The following ITGA8 variants were observed in gnomAD, a reference collection of about 807,000 sequenced individuals.
ITGA8 encodes integrin alpha-8.
ITGA8 carries 91 observed loss-of-function variants against 142.3 expected under a neutral mutation model. That is an observed-to-expected ratio of 0.64 (90% CI 0.54 to 0.76). The LOEUF (loss-of-function observed/expected upper bound fraction) is 0.76, where lower values mean the gene tolerates loss of function less well. Among genes scored for constraint, ITGA8 ranks in the 30% least tolerant of loss-of-function variants. The pLI is 0.00. For missense variants in ITGA8, 1,406 were observed against 1,327.7 expected (o/e 1.06, Z -0.92); for synonymous variants, 505 against 485.2 (o/e 1.04, Z -0.54).
chr10:15,586,884 C>T (rs960446693), intron 22 of ITGA8, among the ~76,000 whole-genome samples: 5 of 151,910 alleles, frequency 3.3e-5, no homozygotes, highest in East Asian at 1.9e-4. Flanking sequence ...TATGAAGAGA[C>T]ACTTTATCTG....
At chr10:15,613,279 A>T (rs1255493530) in intron 15 of ITGA8, among the ~76,000 whole-genome samples, 1 of 152,210 alleles carries the variant, frequency 6.6e-6, no homozygotes, top group Non-Finnish European at 1.5e-5. Context: ...GTATTTTGTT[A>T]TATTTTTACC....
At chr10:15,640,735 G>A (rs1003108826) in intron 13 of ITGA8, among the ~76,000 whole-genome samples, 1 of 152,200 alleles carries the variant, frequency 6.6e-6, no homozygotes, top group African/African-American at 2.4e-5. Context: ...ACAGAAACCT[G>A]AATACCCAGC....
intron 11 of ITGA8, among the ~76,000 whole-genome samples, chr10:15,649,366 C>G (rs1834044394): frequency 6.6e-6 from 1 of 151,896 alleles, no homozygotes; most frequent in Admixed American, 6.6e-5. Flanking sequence ...CACAGTGGCT[C>G]ATGCCTGTGA....
In ITGA8 at chr10:15,575,507, C is replaced by G; in HGVS notation, c.2460G>C (p.Leu820Phe). Residue 820 changes from leucine (L) to phenylalanine (F), a missense_variant, in exon 24 of 30, where the codon TTG (leucine) becomes TTC (phenylalanine). Physicochemically the swap from Leu to Phe is conservative, Grantham distance 22. Coordinates refer to ENST00000378076, the MANE Select transcript of ITGA8 (RefSeq NM_003638.3). ...TGGCTACCTCATAAATATGTTCCACCAATGGTCCAACCTCCTCCTCTTTGT... is the reference window on the plus strand; with the variant it reads ...TGGCTACCTCATAAATATGTTCCACGAATGGTCCAACCTCCTCCTCTTTGT... ...EPHKEEEVGPLVEHIYELHNI... is the reference protein window; with the variant it reads ...EPHKEEEVGPFVEHIYELHNI... The G allele has an allele frequency of 6.2e-7, 1 of 1,613,526 alleles. No homozygotes were observed. The highest frequency in any genetic ancestry group is 1.7e-5 in the Admixed American group (1 of 60,012).
intron 28 of ITGA8, among the ~76,000 whole-genome samples, chr10:15,520,066 G>T (rs1307166950): frequency 6.6e-6 from 1 of 152,200 alleles, no homozygotes; most frequent in Non-Finnish European, 1.5e-5. Context: ...ACTGTAGTGT[G>T]CAAAGTGAAT....
intron 17 of ITGA8, 43 bp downstream of exon 17, chr10:15,607,634 A>C: frequency 6.3e-7 from 1 of 1,578,516 alleles, no homozygotes; most frequent in East Asian, 2.2e-5. Context: ...TGGAATTTGG[A>C]TATGAAGGAG....
chr10:15,572,071 T>C (rs1834194854), intron 25 of ITGA8, 140 bp downstream of exon 25: 3 of 577,772 alleles, frequency 5.2e-6, no homozygotes, highest in Admixed American at 3.6e-5. Flanking sequence ...GTTTTAACTA[T>C]AAAATGAAAA....
intron 2 of ITGA8, among the ~76,000 whole-genome samples, chr10:15,714,323 A>T (rs1835413366): frequency 1.3e-5 from 2 of 152,220 alleles, no homozygotes; most frequent in African/African-American, 4.8e-5. Flanking sequence ...CTTGAAGTAG[A>T]CACAGAAGCG....
chr10:15,660,899 C>T lies in ITGA8; in HGVS notation c.871G>A (p.Gly291Arg), dbSNP rs1834272990. Reference sequence around the variant, plus strand: ...CTCACATATCCAAAATTCTGTGCTCCTCTTGGAATTCCAGCAACCAATTCT... The same window carrying T: ...CTCACATATCCAAAATTCTGTGCTCTTCTTGGAATTCCAGCAACCAATTCT... ...QQELVAGIPR[G>R]AQNFGYVSII... Residue 291 changes from glycine to arginine, a missense_variant, in exon 9 of 30, where the codon GGA becomes AGA. Coordinates refer to ENST00000378076, the MANE Select transcript of ITGA8 (RefSeq NM_003638.3). 1.2e-6 allele frequency: 2 copies of T among 1,613,720 alleles called. No individual in the cohort carries two copies. Among genetic ancestry groups the T allele is most frequent in the East Asian group, 4.5e-5 (2 of 44,874 alleles).
chr10:15,538,011 G>A (rs4483482), intron 27 of ITGA8, among the ~76,000 whole-genome samples: 20,045 of 151,802 alleles, frequency 0.13, 1,447 homozygotes, highest in Middle Eastern at 0.18. Context: ...TGGTGGCATG[G>A]GTCTGTAGTC....
intron 13 of ITGA8, among the ~76,000 whole-genome samples, chr10:15,620,782 A>G (rs1389577685): frequency 2.0e-5 from 3 of 152,228 alleles, no homozygotes; most frequent in African/African-American, 7.2e-5. Flanking sequence ...GCTTCCATCT[A>G]TACACACATA....
rs1833746253 is a variant in ITGA8 at position 15,549,227 on chromosome 10, T to C, written c.2767-659A>G. Among the ~76,000 whole-genome samples, 3 of 121,406 alleles carry C rather than the reference T, an allele frequency of 2.5e-5. No homozygotes were observed. In the South Asian group the frequency reaches 8.2e-4, roughly 33 times the overall value. 79.6% of individuals were successfully genotyped at this position (121,406 alleles called of 152,430 possible). On this transcript the variant is annotated intron_variant, in intron 26 of 29. Coordinates refer to ENST00000378076, the MANE Select transcript of ITGA8 (RefSeq NM_003638.3). ...TTTTTTTTTTTTTTTTTTTTTTTTT[T>C]GAGACAGAGTTTTGCTCTTCTTGCC...
At chr10:15,600,132 T>G (rs1833078643) in intron 20 of ITGA8, among the ~76,000 whole-genome samples, 1 of 152,216 alleles carries the variant, frequency 6.6e-6, no homozygotes, top group Admixed American at 6.5e-5. Context: ...CTATTATACT[T>G]TAAGTTCTAG....
chr10:15,691,541 A>G (rs771107408), intron 2 of ITGA8, among the ~76,000 whole-genome samples: 1 of 152,228 alleles, frequency 6.6e-6, no homozygotes, highest in Non-Finnish European at 1.5e-5. Flanking sequence ...TACAACATGG[A>G]TGAACCTGAG....
chr10:15,673,912 A>G (rs879724870), intron 6 of ITGA8, among the ~76,000 whole-genome samples: 7 of 152,228 alleles, frequency 4.6e-5, no homozygotes, highest in Admixed American at 3.3e-4. Flanking sequence ...TTTCCGCTGC[A>G]ATTTCTATGC....
chr10:15,521,590 C>T (rs1450203613), intron 28 of ITGA8, among the ~76,000 whole-genome samples: 1 of 152,132 alleles, frequency 6.6e-6, no homozygotes, highest in Non-Finnish European at 1.5e-5. Flanking sequence ...AAAAGGCTGG[C>T]CTCAACCTAG....
chr10:15,596,983 A>G (rs1833020957), intron 21 of ITGA8: 1 of 506,324 alleles, frequency 2.0e-6, no homozygotes, highest in Non-Finnish European at 3.5e-6. Flanking sequence ...AGTAATGTAT[A>G]AAGAGAAAGC....
At chr10:15,710,426 C>G (rs1835342324) in intron 2 of ITGA8, among the ~76,000 whole-genome samples, 2 of 152,136 alleles carry the variant, frequency 1.3e-5, no homozygotes, top group Non-Finnish European at 2.9e-5. Flanking sequence ...CCTTTTCTTT[C>G]TTCTTAAAAA....
At chr10:15,675,100 T>C (rs1834602596) in intron 6 of ITGA8, among the ~76,000 whole-genome samples, 1 of 152,138 alleles carries the variant, frequency 6.6e-6, no homozygotes, top group Admixed American at 6.6e-5. Context: ...TTCTCAGTAT[T>C]CTCTCTCTAG....
Sources: allele counts gnomAD v4.1 joint callset (sites outside exome capture counted in the v4.1 genomes callset), GRCh38; gene constraint gnomAD v4.1.1; transcripts MANE v1.5; gene names NCBI Gene and HGNC (gene_info 2026-07-23, HGNC 2026-07-21).